The following CRADD variants were observed in gnomAD, a reference collection of about 807,000 sequenced individuals.
The protein encoded by CRADD is death domain-containing protein CRADD.
CRADD carries 9 observed loss-of-function variants against 15.5 expected under a neutral mutation model. The observed-to-expected ratio is 0.58, with a 90% CI of 0.35 to 1.01. CRADD has a LOEUF of 1.01. Among genes scored for constraint, CRADD ranks in the 50% least tolerant of loss-of-function variants. The pLI is 0.02. For missense variants in CRADD, 227 were observed against 250.3 expected (o/e 0.91, Z 0.63); for synonymous variants, 118 against 107.6 (o/e 1.10, Z -0.60).
chr12:93,891,532 C>A (rs1042661884), intron 2 of CRADD, among the ~76,000 whole-genome samples: 3 of 152,138 alleles, frequency 2.0e-5, no homozygotes, highest in African/African-American at 7.2e-5. Context: ...GAGTTTGATT[C>A]TTTTTGTTTA....
At chr12:93,811,590 G>T (rs1017421285) in intron 2 of CRADD, among the ~76,000 whole-genome samples, 5 of 152,150 alleles carry the variant, frequency 3.3e-5, no homozygotes, top group African/African-American at 1.2e-4. Flanking sequence ...TTGAGACGTC[G>T]GGCAAGTGAT....
At chr12:93,771,912 A>G (rs1319764836) in intron 2 of CRADD, among the ~76,000 whole-genome samples, 2 of 152,250 alleles carry the variant, frequency 1.3e-5, no homozygotes, top group Non-Finnish European at 2.9e-5. Context: ...AGATGAGATC[A>G]TATATGAAAA....
intron 2 of CRADD, among the ~76,000 whole-genome samples, chr12:93,808,979 T>G (rs10777545): frequency 2.2e-3 from 333 of 152,034 alleles, no homozygotes; most frequent in African/African-American, 7.5e-3. Context: ...CAATGGCGCC[T>G]TCTTGGCTCA....
intron 2 of CRADD, among the ~76,000 whole-genome samples, chr12:93,777,792 A>G (rs971006690): frequency 6.6e-6 from 1 of 152,208 alleles, no homozygotes; most frequent in Non-Finnish European, 1.5e-5. Context: ...TTTTCACCAA[A>G]GCCCGTTTTT....
At chr12:93,751,584 GC>G (rs1956828987) in intron 2 of CRADD, among the ~76,000 whole-genome samples, 1 of 152,182 alleles carries the variant, frequency 6.6e-6, no homozygotes, top group Non-Finnish European at 1.5e-5. Context: ...TTTATCTTGG[GC>G]CAGGCGTGGT....
chr12:93,745,637 A>T (rs1306326023), intron 2 of CRADD, among the ~76,000 whole-genome samples: 3 of 152,240 alleles, frequency 2.0e-5, no homozygotes, highest in Non-Finnish European at 4.4e-5. Flanking sequence ...TCTTAGCCAT[A>T]TATCTCAGGT....
chr12:93,756,885 C>G (rs971386943), intron 2 of CRADD, among the ~76,000 whole-genome samples: 41 of 152,272 alleles, frequency 2.7e-4, no homozygotes, highest in African/African-American at 8.7e-4. Context: ...CCTGGCACAC[C>G]TACAGGTGGG....
intron 2 of CRADD, among the ~76,000 whole-genome samples, chr12:93,763,664 C>CA (rs1264589015): frequency 2.6e-5 from 4 of 151,806 alleles, no homozygotes; most frequent in African/African-American, 9.7e-5. Context: ...CTTTTAAATG[C>CA]AAAAAATGGA....
chr12:93,683,929 C>T (rs527572930), intron 2 of CRADD, among the ~76,000 whole-genome samples: 1 of 152,298 alleles, frequency 6.6e-6, no homozygotes, highest in South Asian at 2.1e-4. Context: ...CATGTGCTTC[C>T]ACTGTGACTG....
rs112268197 is a variant in CRADD, at chr12:93,747,212, G to A, written c.298+68140G>A. On this transcript the variant is annotated intron_variant, in intron 2 of 2. Coordinates refer to ENST00000332896, the MANE Select transcript of CRADD (RefSeq NM_003805.5). ...AGCCAATAAGTCATTGCTGTATTGCGGCCCTGTAGCAAAAATGGAGTGTTT... is the reference window on the plus strand; with the variant it reads ...AGCCAATAAGTCATTGCTGTATTGCAGCCCTGTAGCAAAAATGGAGTGTTT... Among the ~76,000 whole-genome samples, 1,478 of 152,056 alleles carry A rather than the reference G, an allele frequency of 9.7e-3. 32 individuals are homozygous for A. Among genetic ancestry groups the A allele is most frequent in the African/African-American group, 0.034 (1,422 of 41,460 alleles).
chr12:93,774,331 G>C (rs1047695679), intron 2 of CRADD, among the ~76,000 whole-genome samples: 8 of 152,142 alleles, frequency 5.3e-5, no homozygotes, highest in Admixed American at 1.3e-4. Context: ...AGCTGATGGG[G>C]GCCTTGGAAG....
chr12:93,805,928 C>G (rs563001757), intron 2 of CRADD, among the ~76,000 whole-genome samples: 3 of 152,274 alleles, frequency 2.0e-5, no homozygotes, highest in African/African-American at 7.2e-5. Flanking sequence ...CAAAGTACAG[C>G]AAGTCCCTGA....
chr12:93,872,080 C>T (rs1415761119), intron 2 of CRADD, among the ~76,000 whole-genome samples: 5 of 152,114 alleles, frequency 3.3e-5, no homozygotes, highest in Admixed American at 3.3e-4. Context: ...TCTGTTATTG[C>T]TTGTCTTTTG....
intron 2 of CRADD, among the ~76,000 whole-genome samples, chr12:93,813,793 G>A (rs537032865): frequency 6.6e-6 from 1 of 152,190 alleles, no homozygotes; most frequent in Admixed American, 6.5e-5. Context: ...GGAGCAGGAT[G>A]AGCTTAGAGC....
Position 93,749,615 on chromosome 12 carries a change from CA to C in CRADD, c.298+70546del, listed in dbSNP as rs571639403. On this transcript the variant is annotated intron_variant, in intron 2 of 2. Transcript: ENST00000332896. The stretch of plus-strand genomic sequence containing the variant: ...CTCTTTATTTTTTAGGTTTTCTCTT[CA>C]AATCCAATTAACTATCATCATTAAT... Among the ~76,000 whole-genome samples, 43 of 151,826 alleles carry C rather than the reference CA, an allele frequency of 2.8e-4. No individual in the cohort carries two copies. The South Asian group carries it at 8.5e-3, about 30-fold the overall frequency.
intron 2 of CRADD, among the ~76,000 whole-genome samples, chr12:93,782,017 C>A (rs1039289410): frequency 6.6e-6 from 1 of 152,108 alleles, no homozygotes; most frequent in African/African-American, 2.4e-5. Flanking sequence ...GATTATAAAT[C>A]ATGCTGCTAT....
intron 2 of CRADD, among the ~76,000 whole-genome samples, chr12:93,683,213 GC>G (rs1359287000): frequency 4.6e-5 from 7 of 152,190 alleles, no homozygotes; most frequent in Non-Finnish European, 1.0e-4. Flanking sequence ...GTGGGACTCA[GC>G]GTAAATCACG....
At chr12:93,753,101 G>T (rs966349464) in intron 2 of CRADD, among the ~76,000 whole-genome samples, 2 of 152,062 alleles carry the variant, frequency 1.3e-5, no homozygotes, top group African/African-American at 4.8e-5. Context: ...TGACATTTGG[G>T]TGGGGACACA....
At chr12:93,783,157 A>G (rs1957230532) in intron 2 of CRADD, among the ~76,000 whole-genome samples, 1 of 151,470 alleles carries the variant, frequency 6.6e-6, no homozygotes, top group South Asian at 2.1e-4. Context: ...TTCTTAAGAA[A>G]TCATTTGCTG....
Sources: allele counts gnomAD v4.1 joint callset (sites outside exome capture counted in the v4.1 genomes callset), GRCh38; gene constraint gnomAD v4.1.1; transcripts MANE v1.5; gene names NCBI Gene and HGNC (gene_info 2026-07-23, HGNC 2026-07-21).